The following SAMMSON variants were observed in gnomAD, a reference collection of about 807,000 sequenced individuals.
SAMMSON encodes long intergenic non-protein coding RNA 1212.
At chr3:70,091,403 G>A (rs1447551905) in intron 4 of SAMMSON, among the ~76,000 whole-genome samples, 1 of 152,142 alleles carries the variant, frequency 6.6e-6, no homozygotes, top group Non-Finnish European at 1.5e-5. Flanking sequence ...GATTTGTGTG[G>A]TTTTCAGGCT....
intron 6 of SAMMSON, among the ~76,000 whole-genome samples, chr3:70,273,879 T>A (rs1701997255): frequency 6.6e-6 from 1 of 152,190 alleles, no homozygotes; most frequent in Admixed American, 6.5e-5. Context: ...CATGGCTCAC[T>A]GAAGACTTGA....
At position 70,129,769 on chromosome 3, in the gene SAMMSON, CT is replaced by C. The variant is rs576176178; in HGVS notation, n.507+58209del. On this transcript the variant is annotated intron_variant and non_coding_transcript_variant, in intron 4 of 9. Transcript: ENST00000642114. ...AGCTATATATTCCATCCCACATTCT[CT>C]TTTTAAAATATGATATGGACACTGT... Among the ~76,000 whole-genome samples, 817 of 152,258 alleles carry C rather than the reference CT, an allele frequency of 5.4e-3. 10 individuals are homozygous for C. Among genetic ancestry groups the C allele is most frequent in the African/African-American group, 0.019 (778 of 41,554 alleles).
chr3:70,393,584 A>G (rs1351751915), downstream of SAMMSON, among the ~76,000 whole-genome samples: 2 of 152,180 alleles, frequency 1.3e-5, no homozygotes, highest in Non-Finnish European at 2.9e-5. Flanking sequence ...AAAGAACTAC[A>G]GAAGGTTTGT....
At chr3:70,060,990 G>A (rs2067185351) in intron 3 of SAMMSON, among the ~76,000 whole-genome samples, 1 of 152,072 alleles carries the variant, frequency 6.6e-6, no homozygotes, top group African/African-American at 2.4e-5. Flanking sequence ...TAGATTGGAA[G>A]TCGTGAGAGC....
intron 7 of SAMMSON, among the ~76,000 whole-genome samples, chr3:70,326,889 C>T (rs371624436): frequency 2.5e-4 from 38 of 152,078 alleles, no homozygotes; most frequent in Admixed American, 8.5e-4. Context: ...GACAGAGTCA[C>T]GCTTTGTCAC....
At chr3:70,147,671 T>G (rs999077612) in intron 4 of SAMMSON, among the ~76,000 whole-genome samples, 2 of 152,080 alleles carry the variant, frequency 1.3e-5, no homozygotes, top group Non-Finnish European at 2.9e-5. Context: ...GGATCTTTCA[T>G]CTAAGCATAA....
intron 7 of SAMMSON, among the ~76,000 whole-genome samples, chr3:70,351,858 C>T (rs2106735178): frequency 6.6e-6 from 1 of 152,150 alleles, no homozygotes; most frequent in South Asian, 2.1e-4. Flanking sequence ...AGCAAAGGCC[C>T]CTTGGGGACT....
chr3:70,124,387 G>A lies in SAMMSON; in HGVS notation n.507+52822G>A, dbSNP rs1009552886. ...TTTTTATCATTTGCGGGAGAAATGC[G>A]TATTTTTAAAAAGCTTGTTCGGTAA... On this transcript the variant is annotated intron_variant and non_coding_transcript_variant, in intron 4 of 9. Coordinates refer to ENST00000642114, the Ensembl canonical transcript of SAMMSON. Among the ~76,000 whole-genome samples the A allele has an allele frequency of 7.2e-5, 11 of 152,150 alleles. No homozygotes were observed. The East Asian group carries it at 9.6e-4, about 13-fold the overall frequency.
chr3:70,090,930 CT>C (rs1330804781), intron 4 of SAMMSON, among the ~76,000 whole-genome samples: 3 of 152,048 alleles, frequency 2.0e-5, no homozygotes, highest in African/African-American at 7.2e-5. Flanking sequence ...ATTAGAAATC[CT>C]TTCTTCCTCC....
chr3:70,338,922 A>C (rs1288106733), intron 7 of SAMMSON, among the ~76,000 whole-genome samples: 3 of 152,192 alleles, frequency 2.0e-5, no homozygotes, highest in African/African-American at 4.8e-5. Flanking sequence ...ACATGGAACC[A>C]AAAAAGAGCC....
chr3:70,101,503 C>G (rs959773051), intron 4 of SAMMSON, among the ~76,000 whole-genome samples: 23 of 151,928 alleles, frequency 1.5e-4, no homozygotes, highest in Middle Eastern at 3.4e-3. Context: ...TGAGGCCATC[C>G]CAAGTGCATT....
At chr3:70,426,753 A>G (rs915284724) in intron 2 of SAMMSON, among the ~76,000 whole-genome samples, 5 of 152,204 alleles carry the variant, frequency 3.3e-5, no homozygotes, top group African/African-American at 9.7e-5. Flanking sequence ...GCTCTGAACA[A>G]CATAGATCCC....
At chr3:70,019,930 T>A (rs1387788843) in intron 3 of SAMMSON, among the ~76,000 whole-genome samples, 2 of 152,206 alleles carry the variant, frequency 1.3e-5, no homozygotes, top group Non-Finnish European at 2.9e-5. Context: ...TATTAAAATT[T>A]GGTGGAATGT....
intron 1 of SAMMSON, among the ~76,000 whole-genome samples, chr3:70,010,696 T>TGGGTAATTC (rs112587293): frequency 0.46 from 69,578 of 151,592 alleles, 17,073 homozygotes; most frequent in East Asian, 0.63. Flanking sequence ...TATAAAGAAC[T>TGGGTAATTC]TTTACTGCTT....
intron 4 of SAMMSON, among the ~76,000 whole-genome samples, chr3:70,233,726 T>C (rs1038661428): frequency 1.7e-4 from 26 of 152,362 alleles, no homozygotes; most frequent in African/African-American, 6.3e-4. Context: ...TAAAATTTCA[T>C]GTAAACTGAA....
chr3:70,048,965 G>T (rs1017573036), intron 3 of SAMMSON, among the ~76,000 whole-genome samples: 5 of 152,128 alleles, frequency 3.3e-5, no homozygotes, highest in Non-Finnish European at 7.4e-5. Context: ...GAGGCAAATT[G>T]CATGGTGTAG....
chr3:70,311,873 CAAG>C (rs1207185722), intron 7 of SAMMSON: 1 of 397,462 alleles, frequency 2.5e-6, no homozygotes, highest in Non-Finnish European at 4.4e-6. Flanking sequence ...AAATCAAGAG[CAAG>C]AAGACTTACC....
chr3:70,092,736 A>T (rs887454307), intron 4 of SAMMSON, among the ~76,000 whole-genome samples: 1 of 152,048 alleles, frequency 6.6e-6, no homozygotes, highest in African/African-American at 2.4e-5. Context: ...TTACCTGTTC[A>T]CTTGGTATCT....
chr3:70,283,892 A>G (rs184123574), intron 6 of SAMMSON: 54 of 152,268 alleles, frequency 3.5e-4, no homozygotes, highest in African/African-American at 1.3e-3. Flanking sequence ...AAATGTCAAT[A>G]ATCAAGTATT....
Sources: allele counts gnomAD v4.1 joint callset (sites outside exome capture counted in the v4.1 genomes callset), GRCh38; gene constraint gnomAD v4.1.1; transcripts MANE v1.5; gene names NCBI Gene and HGNC (gene_info 2026-07-23, HGNC 2026-07-21).